PALM2AKAP2: variants seen among roughly 807,000 people sequenced by gnomAD.
PALM2AKAP2 encodes the protein PALM2-AKAP2 fusion protein.
In PALM2AKAP2, 37 loss-of-function variants were observed where a neutral mutation model predicts 71.5. The ratio of observed to expected loss-of-function variants is 0.52; its 90% confidence interval spans 0.40 to 0.68. PALM2AKAP2 has a LOEUF of 0.68. Among genes scored for constraint, PALM2AKAP2 ranks in the 30% least tolerant of loss-of-function variants. The probability of loss-of-function intolerance (pLI) is 0.00; values close to 1 mark genes in which losing one functional copy is unlikely to be tolerated. For synonymous variants in PALM2AKAP2, 468 were observed against 478.8 expected, an observed-to-expected ratio of 0.98 and a Z score of 0.29; for missense variants, 1,224 against 1,191.8, an observed-to-expected ratio of 1.03 and a Z score of -0.40.
intron 1 of PALM2AKAP2, among the ~76,000 whole-genome samples, chr9:110,063,333 G>C (rs1199389271): frequency 2.0e-5 from 3 of 152,190 alleles, no homozygotes; most frequent in African/African-American, 7.2e-5. Context: ...GCTTCTGAGG[G>C]CTGTGAGGAG....
At chr9:109,755,079 AC>A (rs993837956) in intron 1 of PALM2AKAP2, among the ~76,000 whole-genome samples, 1 of 151,524 alleles carries the variant, frequency 6.6e-6, no homozygotes, top group African/African-American at 2.4e-5. Context: ...AGCCACCATC[AC>A]CTCTTAGCTG....
chr9:109,945,888 T>A (rs1397410040), intron 6 of PALM2AKAP2: 1 of 152,260 alleles, frequency 6.6e-6, no homozygotes, highest in Non-Finnish European at 1.5e-5. Flanking sequence ...AATGATTATC[T>A]GTATTCTCTT....
intron 1 of PALM2AKAP2, among the ~76,000 whole-genome samples, chr9:110,083,466 C>T (rs1834492863): frequency 6.6e-6 from 1 of 152,166 alleles, no homozygotes; most frequent in Non-Finnish European, 1.5e-5. Flanking sequence ...CATTTCTGAG[C>T]CTTTGCACTT....
At chr9:110,149,902 C>T (rs187737138) in intron 2 of PALM2AKAP2, among the ~76,000 whole-genome samples, 279 of 152,342 alleles carry the variant, frequency 1.8e-3, no homozygotes, top group Admixed American at 3.9e-3. Context: ...CTTTTGGAAT[C>T]CCCATTCTTG....
chr9:109,953,692 GGGCTTGGT>G (rs1171067244), intron 6 of PALM2AKAP2, among the ~76,000 whole-genome samples: 1 of 151,914 alleles, frequency 6.6e-6, no homozygotes, highest in African/African-American at 2.4e-5. Context: ...AAAATTAGCT[GGGCTTGGT>G]GGCACGTGCC....
At chr9:110,143,702 G>T (rs1193881928) in intron 2 of PALM2AKAP2, among the ~76,000 whole-genome samples, 2 of 152,200 alleles carry the variant, frequency 1.3e-5, no homozygotes, top group Non-Finnish European at 2.9e-5. Context: ...GTTAGGTGAT[G>T]ATTTGTTTGG....
At chr9:109,699,781 T>TA (rs146211703) in intron 1 of PALM2AKAP2, among the ~76,000 whole-genome samples, 68,871 of 150,580 alleles carry the variant, frequency 0.46, 15,889 homozygotes, top group East Asian at 0.51. Context: ...TTTATTTATT[T>TA]TTTTTTTTTT....
At chr9:110,137,487 C>G (rs371564328) in exon 2 of PALM2AKAP2, 1 of 1,613,960 alleles carries the variant, frequency 6.2e-7, no homozygotes, top group African/African-American at 1.3e-5. Context: ...AAGGAAGGGC[C>G]CTACAGCGAG....
rs139299625 is a variant in PALM2AKAP2 at position 109,688,674 on chromosome 9, C to G, written c.5+47808C>G. On this transcript the variant is annotated intron_variant, in intron 1 of 6. Transcript: ENST00000374531. ...TTTTAAGAAGATATTTAATTTTGAC[C>G]TCCCTGAAAAGGGGCAGAGAGATTA... 1.2e-3 allele frequency among the ~76,000 whole-genome samples: 180 copies of G among 152,342 alleles called. 1 individual carries two copies. The highest frequency in any genetic ancestry group is 4.1e-3 in the African/African-American group (169 of 41,584).
intron 1 of PALM2AKAP2, among the ~76,000 whole-genome samples, chr9:110,116,526 C>T (rs1037651369): frequency 1.1e-4 from 17 of 152,092 alleles, no homozygotes; most frequent in African/African-American, 3.1e-4. Context: ...ATGGATAAGC[C>T]GGCCTCCTAT....
At chr9:109,998,879 T>C (rs10816915) in intron 6 of PALM2AKAP2, among the ~76,000 whole-genome samples, 45,842 of 151,958 alleles carry the variant, frequency 0.3, 8,522 homozygotes, top group Non-Finnish European at 0.43. Context: ...CAGGTGACTT[T>C]GTAGAGGAGG....
chr9:109,744,734 C>T (rs1828773647), intron 1 of PALM2AKAP2, among the ~76,000 whole-genome samples: 2 of 152,160 alleles, frequency 1.3e-5, no homozygotes, highest in African/African-American at 4.8e-5. Context: ...CCCAGATGTT[C>T]TCATAGTAAC....
At chr9:109,870,117 G>T (rs979898882) in intron 2 of PALM2AKAP2, among the ~76,000 whole-genome samples, 9 of 152,202 alleles carry the variant, frequency 5.9e-5, no homozygotes, top group African/African-American at 1.9e-4. Flanking sequence ...TCAGTGGTAA[G>T]GTGAGGAGGG....
chr9:109,901,350 A>G (rs1009456023), intron 3 of PALM2AKAP2, among the ~76,000 whole-genome samples: 47 of 152,152 alleles, frequency 3.1e-4, no homozygotes, highest in African/African-American at 8.7e-4. Context: ...GGTTGTCACT[A>G]TCTCTGGTAT....
intron 1 of PALM2AKAP2, among the ~76,000 whole-genome samples, chr9:109,664,219 G>C (rs1006408145): frequency 1.3e-5 from 2 of 152,152 alleles, no homozygotes; most frequent in Non-Finnish European, 2.9e-5. Flanking sequence ...GTGTGTATTT[G>C]ATTCTGTCAT....
chr9:109,931,635 C>A (rs542782330), intron 5 of PALM2AKAP2, among the ~76,000 whole-genome samples: 1 of 152,066 alleles, frequency 6.6e-6, no homozygotes, highest in East Asian at 1.9e-4. Context: ...TCTGAATCTT[C>A]CCCCCGTCCC....
At chr9:110,159,841 G>A (rs571164848) in intron 3 of PALM2AKAP2, among the ~76,000 whole-genome samples, 1 of 152,334 alleles carries the variant, frequency 6.6e-6, no homozygotes, top group Non-Finnish European at 1.5e-5. Flanking sequence ...TATGCAGAGA[G>A]GCCCCTGGCT....
At position 109,870,678 on chromosome 9, in the gene PALM2AKAP2, C is replaced by T. The variant is rs757671125; in HGVS notation, c.126+3107C>T. Among the ~76,000 whole-genome samples the T allele has an allele frequency of 4.6e-5, 7 of 152,182 alleles. 1 individual carries two copies. The highest frequency in any genetic ancestry group is 7.2e-5 in the African/African-American group (3 of 41,434). On this transcript the variant is annotated intron_variant, in intron 2 of 9. Coordinates refer to the PALM2AKAP2 transcript ENST00000302798. ...TCCTGGGCTGTCTGCTTTCAAAGACCGAGCTCTTTCCAGGCCACCGTTCTC... is the reference window on the plus strand; with the variant it reads ...TCCTGGGCTGTCTGCTTTCAAAGACTGAGCTCTTTCCAGGCCACCGTTCTC...
intron 5 of PALM2AKAP2, among the ~76,000 whole-genome samples, chr9:109,926,270 G>T (rs1047510457): frequency 2.0e-5 from 3 of 152,118 alleles, no homozygotes; most frequent in Admixed American, 2.0e-4. Flanking sequence ...AAACAAACCT[G>T]TGATTTTTAA....
Sources: allele counts gnomAD v4.1 joint callset (sites outside exome capture counted in the v4.1 genomes callset), GRCh38; gene constraint gnomAD v4.1.1; transcripts MANE v1.5; gene names NCBI Gene and HGNC (gene_info 2026-07-23, HGNC 2026-07-21).